Variants in MYO1D observed in about 807,000 individuals in gnomAD.
The protein encoded by MYO1D is unconventional myosin-Id.
MYO1D carries 83 observed loss-of-function variants against 122.0 expected under a neutral mutation model. The observed-to-expected ratio is 0.68, with a 90% CI of 0.57 to 0.82. The LOEUF is 0.82. Ranked by LOEUF, MYO1D falls within the 40% of genes least tolerant of loss-of-function variation. The pLI is 0.00. For synonymous variants in MYO1D, 464 were observed against 446.9 expected, an observed-to-expected ratio of 1.04 and a Z score of -0.48; for missense variants, 1,157 against 1,269.5, an observed-to-expected ratio of 0.91 and a Z score of 1.35.
At chr17:32,576,089 A>C (rs2087276147) in intron 21 of MYO1D, among the ~76,000 whole-genome samples, 1 of 152,208 alleles carries the variant, frequency 6.6e-6, no homozygotes, top group Non-Finnish European at 1.5e-5. Context: ...GAACAAAATC[A>C]GAGTAAAATT....
intron 1 of MYO1D, among the ~76,000 whole-genome samples, chr17:32,869,139 A>G (rs2151092377): frequency 6.6e-6 from 1 of 152,108 alleles, no homozygotes; most frequent in East Asian, 1.9e-4. Context: ...GAATCGCTTG[A>G]ACCTGGGATG....
chr17:32,730,715 C>T (rs2089627973), intron 14 of MYO1D, among the ~76,000 whole-genome samples: 1 of 152,080 alleles, frequency 6.6e-6, no homozygotes, highest in Admixed American at 6.5e-5. Context: ...TAGGATTTTA[C>T]TAGGTGTCTA....
At chr17:32,511,216 C>A (rs1016727264) in intron 21 of MYO1D, among the ~76,000 whole-genome samples, 1 of 151,060 alleles carries the variant, frequency 6.6e-6, no homozygotes, top group Non-Finnish European at 1.5e-5. Flanking sequence ...AAACTTCTCT[C>A]GCTCACTCTG....
At chr17:32,495,899 T>C (rs1436728018) in intron 21 of MYO1D, 1 of 152,468 alleles carries the variant, frequency 6.6e-6, no homozygotes, top group Non-Finnish European at 1.5e-5. Context: ...TTCACTGCTC[T>C]CGGGATGGCG....
intron 16 of MYO1D, among the ~76,000 whole-genome samples, chr17:32,674,935 G>A (rs1266717356): frequency 1.3e-5 from 2 of 152,158 alleles, no homozygotes; most frequent in Non-Finnish European, 2.9e-5. Context: ...TTTACTTAGG[G>A]TAAACATCAA....
intron 21 of MYO1D, among the ~76,000 whole-genome samples, chr17:32,514,189 G>A (rs1402192881): frequency 7.3e-6 from 1 of 136,366 alleles, no homozygotes; most frequent in East Asian, 2.3e-4. Flanking sequence ...GTAGTCAGCT[G>A]AGATTGTGCC....
At chr17:32,670,001 T>C (rs2088690549) in intron 16 of MYO1D, among the ~76,000 whole-genome samples, 1 of 152,038 alleles carries the variant, frequency 6.6e-6, no homozygotes, top group South Asian at 2.1e-4. Flanking sequence ...TTAGCGATTC[T>C]CTTGTCTCAA....
At chr17:32,837,904 A>T (rs1192186983) in intron 1 of MYO1D, among the ~76,000 whole-genome samples, 1 of 152,166 alleles carries the variant, frequency 6.6e-6, no homozygotes, top group Non-Finnish European at 1.5e-5. Context: ...CATTTTGTGT[A>T]TGCATTTATC....
intron 21 of MYO1D, among the ~76,000 whole-genome samples, chr17:32,557,963 T>C (rs1488283782): frequency 6.6e-6 from 1 of 152,058 alleles, no homozygotes; most frequent in East Asian, 2.0e-4. Flanking sequence ...TGTGTTCCCA[T>C]AAAATGTTAT....
chr17:32,563,485 G>A (rs1350130300), intron 21 of MYO1D, among the ~76,000 whole-genome samples: 1 of 152,068 alleles, frequency 6.6e-6, no homozygotes. Context: ...CAAAAGTGCT[G>A]GGATTACAGG....
At chr17:32,555,988 T>G (rs2087064986) in intron 21 of MYO1D, among the ~76,000 whole-genome samples, 2 of 152,232 alleles carry the variant, frequency 1.3e-5, no homozygotes, top group African/African-American at 4.8e-5. Flanking sequence ...CTCAGAGCCC[T>G]GCTTATTCCT....
At chr17:32,759,861 A>T in intron 10 of MYO1D, 1 of 428,452 alleles carries the variant, frequency 2.3e-6, no homozygotes, top group Admixed American at 3.9e-5. Context: ...GAATATAAAC[A>T]ACATTAACTG....
chr17:32,518,314 A>C (rs535554333), intron 21 of MYO1D: 1 of 156,630 alleles, frequency 6.4e-6, no homozygotes, highest in African/African-American at 2.4e-5. Context: ...GACTCTTGTA[A>C]ACATGAGTTG....
At chr17:32,868,299 G>C (rs1264982433) in intron 1 of MYO1D, among the ~76,000 whole-genome samples, 1 of 152,154 alleles carries the variant, frequency 6.6e-6, no homozygotes, top group Non-Finnish European at 1.5e-5. Flanking sequence ...AATTTCACAA[G>C]AACACATCAT....
intron 1 of MYO1D, among the ~76,000 whole-genome samples, chr17:32,872,374 G>A (rs1598172167): frequency 1.3e-5 from 2 of 152,088 alleles, no homozygotes; most frequent in Non-Finnish European, 2.9e-5. Flanking sequence ...CCAGGTTCAC[G>A]CCATTCTCCT....
intron 16 of MYO1D, among the ~76,000 whole-genome samples, chr17:32,683,299 T>C (rs368053572): frequency 5.1e-4 from 77 of 152,260 alleles, no homozygotes; most frequent in South Asian, 3.9e-3. Flanking sequence ...TGAGGAACTG[T>C]GTTCCTTTGG....
At chr17:32,674,248 A>C in intron 16 of MYO1D, among the ~76,000 whole-genome samples, 1 of 152,218 alleles carries the variant, frequency 6.6e-6, no homozygotes, top group East Asian at 1.9e-4. Flanking sequence ...CAAACTCTAT[A>C]GGCTTTGGGT....
chr17:32,663,566 C>T (rs555355271), intron 16 of MYO1D, among the ~76,000 whole-genome samples: 2 of 152,222 alleles, frequency 1.3e-5, no homozygotes, highest in East Asian at 3.9e-4. Flanking sequence ...GTTCCTTTTT[C>T]ATGTCTAGTG....
chr17:32,554,988 C>T (rs1201843161), intron 21 of MYO1D, among the ~76,000 whole-genome samples: 6 of 152,104 alleles, frequency 3.9e-5, no homozygotes, highest in East Asian at 1.9e-4. Flanking sequence ...GAAAAATGTA[C>T]GAAAAGCCTT....
Sources: gnomAD v4.1 joint callset for allele counts (sites outside exome capture counted in the v4.1 genomes callset) on GRCh38, gnomAD v4.1.1 for gene constraint, MANE v1.5 for transcripts, NCBI Gene and HGNC (gene_info 2026-07-23, HGNC 2026-07-21) for gene names.